Variants in LRMDA observed in about 807,000 individuals in gnomAD.
LRMDA encodes the protein leucine-rich melanocyte differentiation-associated protein.
Under a neutral mutation model 29.8 loss-of-function variants are expected in LRMDA, and 18 were observed. That is an observed-to-expected ratio of 0.60 (90% CI 0.42 to 0.90). LRMDA has a LOEUF of 0.90. Ranked by LOEUF, LRMDA falls within the 40% of genes least tolerant of loss-of-function variation. LRMDA has a pLI of 0.00. For synonymous variants in LRMDA, 125 were observed against 109.4 expected (o/e 1.14, Z -0.89); for missense variants, 273 against 273.9 (o/e 1.00, Z 0.02).
chr10:76,469,875 A>G (rs1023571950), intron 6 of LRMDA, among the ~76,000 whole-genome samples: 1 of 152,106 alleles, frequency 6.6e-6, no homozygotes, highest in Non-Finnish European at 1.5e-5. Flanking sequence ...GTATTGTGCA[A>G]TCATCACCAC....
At chr10:75,862,865 G>A (rs1589232884) in intron 2 of LRMDA, among the ~76,000 whole-genome samples, 1 of 152,158 alleles carries the variant, frequency 6.6e-6, no homozygotes, top group Admixed American at 6.5e-5. Flanking sequence ...TACAGCCTTA[G>A]AGGGCAGTCC....
At chr10:75,501,835 T>A (rs1349168864) in intron 2 of LRMDA, among the ~76,000 whole-genome samples, 1 of 152,240 alleles carries the variant, frequency 6.6e-6, no homozygotes, top group Non-Finnish European at 1.5e-5. Flanking sequence ...TCTTTATTTT[T>A]TCTTTTAGAG....
chr10:76,338,659 A>G (rs1326964345), intron 6 of LRMDA, among the ~76,000 whole-genome samples: 1 of 152,074 alleles, frequency 6.6e-6, no homozygotes, highest in Non-Finnish European at 1.5e-5. Context: ...ATAATAAATG[A>G]GAATGAACTA....
At chr10:75,617,943 GGCTAGAAGA>G (rs1293805394) in intron 2 of LRMDA, among the ~76,000 whole-genome samples, 3 of 152,164 alleles carry the variant, frequency 2.0e-5, no homozygotes, top group Admixed American at 6.5e-5. Context: ...TTGTCGCCTT[GGCTAGAAGA>G]TGAGAACTTT....
intron 2 of LRMDA, among the ~76,000 whole-genome samples, chr10:75,576,352 AAAAG>A (rs1840505897): frequency 6.6e-6 from 1 of 152,204 alleles, no homozygotes; most frequent in Non-Finnish European, 1.5e-5. Flanking sequence ...ATCTCTCAAA[AAAAG>A]GCAGTAGCCC....
At chr10:75,987,161 A>G (rs1847274918) in intron 2 of LRMDA, among the ~76,000 whole-genome samples, 1 of 152,080 alleles carries the variant, frequency 6.6e-6, no homozygotes, top group South Asian at 2.1e-4. Context: ...TTTTCACTGT[A>G]CATATTTCTC....
intron 5 of LRMDA, among the ~76,000 whole-genome samples, chr10:76,183,257 A>G (rs1212350309): frequency 6.6e-6 from 1 of 152,260 alleles, no homozygotes; most frequent in African/African-American, 2.4e-5. Flanking sequence ...CCCAAGGAAC[A>G]AAGGCCACAG....
intron 6 of LRMDA, among the ~76,000 whole-genome samples, chr10:76,513,563 T>C (rs1337949106): frequency 6.6e-6 from 1 of 152,230 alleles, no homozygotes; most frequent in Non-Finnish European, 1.5e-5. Context: ...TTTTATTGGA[T>C]AGGGTACTGG....
At chr10:75,874,554 C>G (rs535509590) in intron 2 of LRMDA, among the ~76,000 whole-genome samples, 2 of 152,150 alleles carry the variant, frequency 1.3e-5, no homozygotes, top group Non-Finnish European at 2.9e-5. Flanking sequence ...GACCCTACTT[C>G]GTGAATGAGG....
intron 2 of LRMDA, among the ~76,000 whole-genome samples, chr10:75,882,445 AG>A (rs1288713290): frequency 1.3e-5 from 2 of 152,220 alleles, no homozygotes; most frequent in Admixed American, 1.3e-4. Context: ...CATAGAAATG[AG>A]GACAGCAGCT....
chr10:76,209,060 A>C (rs905478387), intron 5 of LRMDA, among the ~76,000 whole-genome samples: 6 of 152,132 alleles, frequency 3.9e-5, no homozygotes, highest in Non-Finnish European at 7.4e-5. Flanking sequence ...AGGCTGAAGC[A>C]GGAGAATCAC....
intron 2 of LRMDA, among the ~76,000 whole-genome samples, chr10:75,745,615 G>A (rs757320588): frequency 1.7e-4 from 26 of 151,948 alleles, no homozygotes; most frequent in Admixed American, 8.5e-4. Flanking sequence ...ATTTCCTATC[G>A]CTCTGACACC....
intron 2 of LRMDA, among the ~76,000 whole-genome samples, chr10:76,018,656 C>T (rs1308088577): frequency 1.3e-5 from 2 of 151,264 alleles, no homozygotes; most frequent in African/African-American, 2.4e-5. Context: ...CAACCCCTGC[C>T]TCCCGGGTTC....
intron 5 of LRMDA, among the ~76,000 whole-genome samples, chr10:76,145,788 G>C (rs1850304708): frequency 6.6e-6 from 1 of 151,972 alleles, no homozygotes; most frequent in South Asian, 2.1e-4. Context: ...ATGTTAGGGT[G>C]TCACTTTTAG....
intron 2 of LRMDA, among the ~76,000 whole-genome samples, chr10:75,762,878 C>A (rs912648628): frequency 9.9e-5 from 15 of 152,020 alleles, no homozygotes; most frequent in African/African-American, 3.4e-4. Flanking sequence ...ATCTGTTCAC[C>A]CACTTTCTAC....
chr10:75,519,895 A>G (rs1035034759), intron 2 of LRMDA, among the ~76,000 whole-genome samples: 1 of 152,116 alleles, frequency 6.6e-6, no homozygotes, highest in African/African-American at 2.4e-5. Context: ...ATCTCTCAGC[A>G]TTTGTTTGTC....
rs139419864 is a variant in LRMDA at position 76,278,116 on chromosome 10, G to A, written c.517-46285G>A. ...TTGGATGCATTAATGAGAATTTTTC[G>A]GATTTTGCAGATTCCCTGTATAATT... On this transcript the variant is annotated intron_variant, in intron 5 of 6. Coordinates refer to ENST00000611255, the MANE Select transcript of LRMDA (RefSeq NM_001305581.2). Among the ~76,000 whole-genome samples the A allele has an allele frequency of 2.7e-3, 409 of 152,202 alleles. 3 individuals carry two copies. The highest frequency in any genetic ancestry group is 9.1e-3 in the African/African-American group (380 of 41,556).
intron 2 of LRMDA, among the ~76,000 whole-genome samples, chr10:75,885,642 G>C (rs1022327480): frequency 2.3e-4 from 35 of 152,340 alleles, no homozygotes; most frequent in African/African-American, 8.2e-4. Flanking sequence ...CAAGCTCCTT[G>C]AGGCCAGGGG....
intron 2 of LRMDA, among the ~76,000 whole-genome samples, chr10:75,610,605 G>T (rs1380750135): frequency 6.6e-6 from 1 of 152,210 alleles, no homozygotes; most frequent in Non-Finnish European, 1.5e-5. Context: ...CTCCATGGAT[G>T]AGGGAACTGT....
Sources: allele counts gnomAD v4.1 joint callset (sites outside exome capture counted in the v4.1 genomes callset), GRCh38; gene constraint gnomAD v4.1.1; transcripts MANE v1.5; gene names NCBI Gene and HGNC (gene_info 2026-07-23, HGNC 2026-07-21).